The following DNAJC8 variants were observed in gnomAD, a reference collection of about 807,000 sequenced individuals.
DNAJC8 encodes the protein dnaJ homolog subfamily C member 8.
In DNAJC8, 24 loss-of-function variants were observed where a neutral mutation model predicts 43.2. The observed-to-expected ratio is 0.56, with a 90% CI of 0.40 to 0.78. DNAJC8 has a LOEUF of 0.78. DNAJC8 is among the 30% of genes least tolerant of loss of function. The probability of loss-of-function intolerance (pLI) is 0.00; values close to 1 mark genes in which losing one functional copy is unlikely to be tolerated. For missense variants in DNAJC8, 207 were observed against 299.4 expected, an observed-to-expected ratio of 0.69 and a Z score of 2.28; for synonymous variants, 83 against 98.0, an observed-to-expected ratio of 0.85 and a Z score of 0.90.
chr1:28,201,369 T>C lies in DNAJC8; in HGVS notation c.641A>G (p.Glu214Gly). 13 of 1,613,984 alleles carry C rather than the reference T, an allele frequency of 8.1e-6. No homozygotes were observed. Among genetic ancestry groups the C allele is most frequent in the Non-Finnish European group, 1.1e-5 (13 of 1,180,014 alleles). Residue 214 changes from glutamate (E) to glycine (G), a missense_variant and splice_region_variant, in exon 9 of 9, where the codon GAA becomes GGA. Glu to Gly is a moderately conservative substitution (Grantham distance 98). This residue lies in a region of DNAJC8 where 159 missense variants were observed against 267.5 expected (regional missense o/e 0.59). Transcript: ENST00000263697. Reference protein sequence around the residue: ...REREWQKNFEESRDGRVDSWR... With the variant: ...REREWQKNFEGSRDGRVDSWR... The stretch of plus-strand genomic sequence containing the variant: ...GCTGTCCACACGACCATCTCGACTT[T>C]CCTAAGTACAAAAGAAGTTTGAGGT...
intron 3 of DNAJC8, among the ~76,000 whole-genome samples, chr1:28,214,272 A>G (rs1267429643): frequency 7.9e-5 from 12 of 152,084 alleles, no homozygotes; most frequent in Non-Finnish European, 1.8e-4. Context: ...AGTGGCTCAC[A>G]CCGGTAATTC....
chr1:28,212,164 A>AT (rs1646814931), intron 3 of DNAJC8, among the ~76,000 whole-genome samples: 1 of 30,564 alleles, frequency 3.3e-5, no homozygotes, highest in South Asian at 1.6e-3. Context: ...TCAATAAATA[A>AT]ATAAATATAT....
chr1:28,213,770 C>T (rs1646832085), intron 3 of DNAJC8, among the ~76,000 whole-genome samples: 1 of 152,188 alleles, frequency 6.6e-6, no homozygotes, highest in African/African-American at 2.4e-5. Context: ...GTAATCATGG[C>T]ACTTTGAGAG....
At chr1:28,216,966 G>T (rs1376435506) in intron 2 of DNAJC8, among the ~76,000 whole-genome samples, 2 of 151,438 alleles carry the variant, frequency 1.3e-5, no homozygotes, top group Admixed American at 1.3e-4. Context: ...GCGCCACCAC[G>T]CCCGGCTCAT....
intron 6 of DNAJC8, among the ~76,000 whole-genome samples, chr1:28,207,937 T>C (rs1646781394): frequency 6.6e-6 from 1 of 152,026 alleles, no homozygotes; most frequent in African/African-American, 2.4e-5. Context: ...GGGTGGCTCA[T>C]GCCTGTAGCC....
intron 6 of DNAJC8, among the ~76,000 whole-genome samples, chr1:28,206,488 A>T (rs1380796978): frequency 6.6e-6 from 1 of 152,160 alleles, no homozygotes; most frequent in African/African-American, 2.4e-5. Flanking sequence ...GTGAGTTAAG[A>T]TCATGCCACT....
At chr1:28,225,700 T>C (rs1028028308) in intron 2 of DNAJC8, among the ~76,000 whole-genome samples, 8 of 142,064 alleles carry the variant, frequency 5.6e-5, no homozygotes, top group East Asian at 1.9e-4. Context: ...AAAATTTAAA[T>C]GGTAATTTTT....
At chr1:28,222,500 A>AG in intron 2 of DNAJC8, among the ~76,000 whole-genome samples, 1 of 151,964 alleles carries the variant, frequency 6.6e-6, no homozygotes, top group East Asian at 1.9e-4. Flanking sequence ...AAAAAAAAAA[A>AG]AAAAAAATGA....
chr1:28,220,516 C>A (rs1480898243), intron 2 of DNAJC8, among the ~76,000 whole-genome samples: 1 of 152,110 alleles, frequency 6.6e-6, no homozygotes, highest in Non-Finnish European at 1.5e-5. Context: ...GTTGAGTGGC[C>A]GTCATCAGGT....
chr1:28,219,473 C>T (rs1646884313), intron 2 of DNAJC8, among the ~76,000 whole-genome samples: 1 of 152,176 alleles, frequency 6.6e-6, no homozygotes. Flanking sequence ...CGTGCCACTG[C>T]ACTCCAGCCT....
At chr1:28,212,185 AT>A (rs1646817245) in intron 3 of DNAJC8, among the ~76,000 whole-genome samples, 1 of 95,848 alleles carries the variant, frequency 1.0e-5, no homozygotes, top group Admixed American at 1.0e-4. Flanking sequence ...ATATATATAT[AT>A]ATATATATAT....
rs1646799611 is a variant in DNAJC8, at chr1:28,209,975, G to A, written c.396C>T (p.His132=). The A allele has an allele frequency of 3.7e-6, 6 of 1,613,690 alleles. No individual in the cohort carries two copies. The highest frequency in any genetic ancestry group is 4.2e-6 in the Non-Finnish European group (5 of 1,179,680). ...VIQAGKEYVE[H]TVKERKKQLK... is the part of the protein sequence containing the mutation. ...CAGCAGCACTATAAATACTTACAGT[G>A]TGTTCCACGTATTCTTTTCCTGCCT... Residue 132 remains histidine (H), a synonymous_variant, in exon 5 of 9, where the codon CAC becomes CAT. Transcript: ENST00000263697.
chr1:28,206,009 T>C lies in DNAJC8; in HGVS notation c.472-660A>G, dbSNP rs546606858. ...GACCACCCTGAGCAACATAGTGAGA[T>C]CCCATCTCTACAAAAAATATTAAAA... On this transcript the variant is annotated intron_variant, in intron 6 of 8. Coordinates refer to ENST00000263697, the MANE Select transcript of DNAJC8 (RefSeq NM_014280.3). Among the ~76,000 whole-genome samples, 3 of 152,116 alleles carry C rather than the reference T, an allele frequency of 2.0e-5. No homozygotes were observed. The South Asian group carries it at 6.2e-4, about 32-fold the overall frequency.
Position 28,227,069 on chromosome 1 carries a change from C to T in DNAJC8, c.180+1853G>A, listed in dbSNP as rs558819187. On this transcript the variant is annotated intron_variant, in intron 2 of 8. Coordinates refer to ENST00000263697, the MANE Select transcript of DNAJC8 (RefSeq NM_014280.3). ...TTAACAGATTTAACATCTTGTCAAG[C>T]ATTGCAAAAAAAAAAAAAGAATTTC... Among the ~76,000 whole-genome samples the T allele has an allele frequency of 1.2e-3, 118 of 102,566 alleles. 3 individuals carry two copies. The South Asian group carries it at 0.03, about 26-fold the overall frequency. The allele number at this position is 102,566 out of a possible 152,430, so 67.3% of individuals were successfully genotyped here. A position where few individuals can be genotyped will look rare whatever the true frequency, so the allele number is the denominator to read the frequency against.
In DNAJC8 at chr1:28,226,739, C is replaced by T. The variant is rs1020745238; in HGVS notation, c.180+2183G>A. 2.0e-5 allele frequency among the ~76,000 whole-genome samples: 3 copies of T among 150,900 alleles called. 1 individual carries two copies. Among genetic ancestry groups the T allele is most frequent in the African/African-American group, 7.3e-5 (3 of 41,024 alleles). On this transcript the variant is annotated intron_variant, in intron 2 of 8. Transcript: ENST00000263697. ...TTGCTGTGGTTTGGAACTGCTGGGG[C>T]CAAATTTATGCACAAATCTACATTT...
intron 2 of DNAJC8, among the ~76,000 whole-genome samples, chr1:28,221,348 A>G (rs569187717): frequency 1.8e-4 from 27 of 152,018 alleles, no homozygotes; most frequent in Admixed American, 1.4e-3. Context: ...TCAAAAAGGG[A>G]AAAAGAGAAA....
intron 3 of DNAJC8, 94 bp from the exon 4 acceptor site, chr1:28,210,731 CT>C: frequency 1.1e-6 from 1 of 897,484 alleles, no homozygotes; most frequent in Admixed American, 2.3e-5. Context: ...CTCTAAGGTC[CT>C]ACGGCAAAAA....
In DNAJC8 at chr1:28,210,679, T is replaced by C. The variant is rs539691882; in HGVS notation, c.238-42A>G. The stretch of plus-strand genomic sequence containing the variant: ...GTTGGGGTTGTCAATAAGGGAAACA[T>C]TTACTAACTTCCAGCCTGCCCTGTC... On this transcript the variant is annotated intron_variant, in intron 3 of 8. Transcript: ENST00000263697. 12 of 1,529,342 alleles carry C rather than the reference T, an allele frequency of 7.8e-6. No homozygotes were observed. The African/African-American group carries it at 1.4e-4, about 17-fold the overall frequency. The allele number at this position is 1,529,342 out of a possible 1,614,324, so 94.7% of individuals were successfully genotyped here.
intron 6 of DNAJC8, among the ~76,000 whole-genome samples, chr1:28,207,333 G>A (rs1044153174): frequency 2.6e-5 from 4 of 152,034 alleles, no homozygotes; most frequent in Admixed American, 2.0e-4. Flanking sequence ...AGCTGAGATC[G>A]CACCACTGCT....
Sources: gnomAD v4.1 joint callset for allele counts (sites outside exome capture counted in the v4.1 genomes callset) on GRCh38, gnomAD v4.1.1 for gene constraint, gnomAD v4.1.1 regional missense constraint, MANE v1.5 for transcripts, NCBI Gene and HGNC (gene_info 2026-07-23, HGNC 2026-07-21) for gene names.